The following DRC1 variants were observed in gnomAD, a reference collection of about 807,000 sequenced individuals.
DRC1 encodes the protein dynein regulatory complex subunit 1.
DRC1 carries 74 observed loss-of-function variants against 98.7 expected under a neutral mutation model. That is an observed-to-expected ratio of 0.75 (90% CI 0.62 to 0.91). The LOEUF (loss-of-function observed/expected upper bound fraction) is 0.91, where lower values mean the gene tolerates loss of function less well. DRC1 is among the 40% of genes least tolerant of loss of function. DRC1 has a pLI of 0.00. For synonymous variants in DRC1, 336 were observed against 334.1 expected (o/e 1.01, Z -0.06); for missense variants, 875 against 886.0 (o/e 0.99, Z 0.16).
chr2:26,429,608 T>C lies in DRC1; in HGVS notation c.541-20T>C. The stretch of plus-strand genomic sequence containing the variant: ...CTCCTGACACAGTTTGTGGCCAGAC[T>C]TTTACATGCTCTTTTCTAGGAGTTA... On this transcript the variant is annotated intron_variant, in intron 4 of 16. Transcript: ENST00000288710. 6.2e-7 allele frequency: 1 copy of C among 1,612,296 alleles called. No individual in the cohort carries two copies. Among genetic ancestry groups the C allele is most frequent in the Non-Finnish European group, 8.5e-7 (1 of 1,179,152 alleles).
chr2:26,424,537 GA>G, intron 4 of DRC1, 83 bp downstream of exon 4: 1 of 1,346,958 alleles, frequency 7.4e-7, no homozygotes, highest in Non-Finnish European at 1.0e-6. Flanking sequence ...TTCCTGAATG[GA>G]AAAATGTAGA....
chr2:26,425,676 T>C lies in DRC1; in HGVS notation c.540+1222T>C, dbSNP rs948088882. Among the ~76,000 whole-genome samples, 3 of 152,212 alleles carry C rather than the reference T, an allele frequency of 2.0e-5. No individual in the cohort carries two copies. In the East Asian group the frequency reaches 5.8e-4, roughly 29 times the overall value. On this transcript the variant is annotated intron_variant, in intron 4 of 16. Coordinates refer to ENST00000288710, the MANE Select transcript of DRC1 (RefSeq NM_145038.5). ...TGCATTTCCGTAACGATTAGAGATG[T>C]TGTGCATGTTTTTCATGTGTTTATT...
At chr2:26,447,478 C>T (rs978041597) in intron 10 of DRC1, among the ~76,000 whole-genome samples, 1 of 152,158 alleles carries the variant, frequency 6.6e-6, no homozygotes, top group African/African-American at 2.4e-5. Context: ...ATATCACCAG[C>T]TTGATACACA....
intron 4 of DRC1, among the ~76,000 whole-genome samples, chr2:26,426,901 G>A (rs1313475464): frequency 6.6e-6 from 1 of 152,056 alleles, no homozygotes; most frequent in Non-Finnish European, 1.5e-5. Flanking sequence ...CATAAGCACA[G>A]GATATCTTCC....
Position 26,453,342 on chromosome 2 carries a change from G to C in DRC1, c.1712G>C (p.Ser571Thr). Reference protein sequence around the residue: ...SLQIKPCSQASMEKASMEETS... With the variant: ...SLQIKPCSQATMEKASMEETS... Reference sequence around the variant, plus strand: ...CAGATCAAGCCCTGCAGTCAGGCGAGCATGGAGAAGGCGAGCATGGAGGAG... The same window carrying C: ...CAGATCAAGCCCTGCAGTCAGGCGACCATGGAGAAGGCGAGCATGGAGGAG... The change falls in exon 14 of 17, where the codon AGC becomes ACC. Residue 571 changes from serine (S) to threonine (T), a missense_variant. Ser to Thr is a moderately conservative substitution (Grantham distance 58). Coordinates refer to ENST00000288710, the MANE Select transcript of DRC1 (RefSeq NM_145038.5). The C allele has an allele frequency of 6.2e-7, 1 of 1,613,208 alleles. No homozygotes were observed. Among genetic ancestry groups the C allele is most frequent in the East Asian group, 2.2e-5 (1 of 44,892 alleles).
At chr2:26,430,926 G>C in intron 6 of DRC1, 54 bp downstream of exon 6, 1 of 1,192,856 alleles carries the variant, frequency 8.4e-7, no homozygotes, top group Non-Finnish European at 1.2e-6. Context: ...GATTTTTATT[G>C]TGACTGAATT....
chr2:26,405,186 C>T (rs1678377065), intron 1 of DRC1, among the ~76,000 whole-genome samples: 1 of 152,168 alleles, frequency 6.6e-6, no homozygotes, highest in African/African-American at 2.4e-5. Flanking sequence ...TTATCCTTTG[C>T]TGCTTTCTTT....
At chr2:26,421,136 T>C (rs946257669) in intron 2 of DRC1, 152 bp from the exon 3 acceptor site, 2 of 561,484 alleles carry the variant, frequency 3.6e-6, no homozygotes, top group Non-Finnish European at 6.2e-6. Context: ...AAAGGGTTGC[T>C]ACACAGAGGC....
chr2:26,454,614 G>A lies in DRC1; in HGVS notation c.1920-33G>A. On this transcript the variant is annotated intron_variant, in intron 14 of 16. Transcript: ENST00000288710. This position sits in a 1 kb window ranked among gnomAD's most constrained non-coding sequence, Gnocchi z 5.2. ...CCTGGGGGCCTGGGTAGTACCCAAT[G>A]GACATGACAATCACTGTGCTCTTGG... The A allele has an allele frequency of 1.9e-6, 3 of 1,612,166 alleles. No individual in the cohort carries two copies. Among genetic ancestry groups the A allele is most frequent in the Non-Finnish European group, 2.5e-6 (3 of 1,178,944 alleles).
intron 2 of DRC1, among the ~76,000 whole-genome samples, chr2:26,419,766 G>A (rs1238192741): frequency 1.3e-5 from 2 of 152,130 alleles, no homozygotes; most frequent in Admixed American, 6.6e-5. Flanking sequence ...AAGGATACTC[G>A]AACTTTTTGT....
chr2:26,429,193 T>G (rs1572367562), intron 4 of DRC1, among the ~76,000 whole-genome samples: 1 of 15,710 alleles, frequency 6.4e-5, no homozygotes, highest in East Asian at 3.6e-4. Flanking sequence ...ATGATTATTA[T>G]TATTATTATT....
chr2:26,408,660 A>G lies in DRC1; in HGVS notation c.156-5684A>G, dbSNP rs1057340401. The stretch of plus-strand genomic sequence containing the variant: ...GTGGTGCATGCCTGTAATCCCAGCT[A>G]CTTGGGAGGCTGAGGCACGAGAATT... On this transcript the variant is annotated intron_variant, in intron 1 of 16. Coordinates refer to ENST00000288710, the MANE Select transcript of DRC1 (RefSeq NM_145038.5). Among the ~76,000 whole-genome samples the G allele has an allele frequency of 7.9e-5, 12 of 152,230 alleles. No individual in the cohort carries two copies. In the East Asian group the frequency reaches 2.3e-3, roughly 29 times the overall value.
At chr2:26,452,421 G>A (rs139413727) in intron 13 of DRC1, among the ~76,000 whole-genome samples, 2,792 of 152,100 alleles carry the variant, frequency 0.018, 75 homozygotes, top group African/African-American at 0.059. Context: ...CACCACGCCC[G>A]GCTAATTTTT....
chr2:26,436,528 G>T (rs1663575532), intron 7 of DRC1, among the ~76,000 whole-genome samples: 1 of 152,052 alleles, frequency 6.6e-6, no homozygotes, highest in Non-Finnish European at 1.5e-5. Flanking sequence ...GCCCAGGGTG[G>T]TCTCGAATTC....
chr2:26,418,869 C>T (rs1174900424), intron 2 of DRC1, among the ~76,000 whole-genome samples: 1 of 136,996 alleles, frequency 7.3e-6, no homozygotes, highest in African/African-American at 2.7e-5. Flanking sequence ...ATATATACAA[C>T]ATTATATATT....
chr2:26,413,018 G>T (rs914935845), intron 1 of DRC1, among the ~76,000 whole-genome samples: 2 of 152,130 alleles, frequency 1.3e-5, no homozygotes, highest in South Asian at 2.1e-4. Flanking sequence ...TCCTGACCTC[G>T]CGATCCACCC....
In DRC1 at chr2:26,454,328, G is replaced by A. The variant is rs1343590696; in HGVS notation, c.1920-319G>A. ...ATGAGGGGATGGAGAGGACATGACT[G>A]AATTCAAGTGCTGTTTTGGATGTGT... On this transcript the variant is annotated intron_variant, in intron 14 of 16. Transcript: ENST00000288710. This position sits in a 1 kb window ranked among gnomAD's most constrained non-coding sequence, Gnocchi z 5.2. Among the ~76,000 whole-genome samples, 1 of 152,198 alleles carries A rather than the reference G, an allele frequency of 6.6e-6. No homozygotes were observed.
intron 7 of DRC1, among the ~76,000 whole-genome samples, chr2:26,438,999 C>T (rs1663643831): frequency 6.6e-6 from 1 of 152,144 alleles, no homozygotes; most frequent in African/African-American, 2.4e-5. Context: ...ACTGGACCAA[C>T]CATTTTCCTT....
intron 2 of DRC1, among the ~76,000 whole-genome samples, chr2:26,418,953 A>G (rs906521661): frequency 6.7e-6 from 1 of 148,810 alleles, no homozygotes; most frequent in Admixed American, 6.9e-5. Flanking sequence ...CAGTTGCATG[A>G]TCTCAGCTCA....
Sources: allele counts gnomAD v4.1 joint callset (sites outside exome capture counted in the v4.1 genomes callset), GRCh38; gene constraint gnomAD v4.1.1; non-coding constraint Gnocchi (gnomAD v3.1); transcripts MANE v1.5; gene names NCBI Gene and HGNC (gene_info 2026-07-23, HGNC 2026-07-21).